The following TIMM29 variants were observed in gnomAD, a reference collection of about 807,000 sequenced individuals.
TIMM29 encodes translocase of inner mitochondrial membrane 29, also known as mitochondrial import inner membrane translocase subunit Tim29.
Under a neutral mutation model 19.5 loss-of-function variants are expected in TIMM29, and 23 were observed. That is an observed-to-expected ratio of 1.18 (90% CI 0.85 to 1.67). TIMM29 has a LOEUF of 1.67. TIMM29 is among the 40% of genes most tolerant of loss of function. TIMM29 has a pLI of 0.00. For missense variants in TIMM29, 404 were observed against 384.7 expected, an observed-to-expected ratio of 1.05 and a Z score of -0.42; for synonymous variants, 209 against 185.0, an observed-to-expected ratio of 1.13 and a Z score of -1.05.
chr19:10,929,770 C>A lies in TIMM29; in HGVS notation c.*68C>A. 1 of 1,425,978 alleles carries A rather than the reference C, an allele frequency of 7.0e-7. No individual in the cohort carries two copies. The highest frequency in any genetic ancestry group is 2.3e-5 in the Admixed American group (1 of 43,064). 88.3% of individuals were successfully genotyped at this position (1,425,978 alleles called of 1,614,324 possible). A position where few individuals can be genotyped will look rare whatever the true frequency, so the allele number is the denominator to read the frequency against. ...TGGTGCAGTTCTGAGTGTGCCTCACCTGCAGAACAGCTGAGACAGATGATG... is the reference window on the plus strand; with the variant it reads ...TGGTGCAGTTCTGAGTGTGCCTCACATGCAGAACAGCTGAGACAGATGATG... On this transcript the variant is annotated 3_prime_UTR_variant, in exon 2 of 2. Transcript: ENST00000270502.
At position 10,929,542 on chromosome 19, in the gene TIMM29, C is replaced by A; in HGVS notation, c.623C>A (p.Thr208Asn). Residue 208 changes from threonine to asparagine, a missense_variant, in exon 2 of 2, where the codon ACC becomes AAC. By Grantham distance (65) the Thr-to-Asn change is moderately conservative. Coordinates refer to ENST00000270502, the MANE Select transcript of TIMM29 (RefSeq NM_138358.4). ...VVGPQQLHSE[T>N]NERLFDEKYK... ...GGGCCCCAGCAGCTGCATTCCGAGA[C>A]CAACGAGCGGCTCTTCGATGAGAAG... The A allele has an allele frequency of 6.2e-7, 1 of 1,613,050 alleles. No homozygotes were observed. Among genetic ancestry groups the A allele is most frequent in the Non-Finnish European group, 8.5e-7 (1 of 1,180,034 alleles).
chr19:10,929,134 C>T lies in TIMM29; in HGVS notation c.215C>T (p.Ala72Val), dbSNP rs751586374. 1.5e-5 allele frequency: 22 copies of T among 1,454,828 alleles called. 2 individuals carry two copies. In the South Asian group the frequency reaches 3.1e-4, roughly 20 times the overall value. The allele number at this position is 1,454,828 out of a possible 1,614,324, so 90.1% of individuals were successfully genotyped here. A position where few individuals can be genotyped will look rare whatever the true frequency, so the allele number is the denominator to read the frequency against. Residue 72 changes from alanine (A) to valine (V), a missense_variant, in exon 2 of 2, where the codon GCC becomes GTC. By Grantham distance (64) the Ala-to-Val change is moderately conservative. Transcript: ENST00000270502. ...VYVGLLGGAA[A>V]CFTLAPSEGA... ...GTGGGTCTGCTGGGCGGCGCGGCGGCCTGCTTCACGCTGGCGCCCAGCGAG... is the reference window on the plus strand; with the variant it reads ...GTGGGTCTGCTGGGCGGCGCGGCGGTCTGCTTCACGCTGGCGCCCAGCGAG...
rs1260805319 is a variant in TIMM29, at chr19:10,928,820, A to G, written c.-3A>G. On this transcript the variant is annotated 5_prime_UTR_variant, in exon 1 of 2. Coordinates refer to ENST00000270502, the MANE Select transcript of TIMM29 (RefSeq NM_138358.4). ...GGAGCAAGGACCCCCAAGACGGAAG[A>G]GGATGGCCGCGGCGGCTCTGAGGAG... 6.5e-7 allele frequency: 1 copy of G among 1,529,150 alleles called. No individual in the cohort carries two copies. 94.7% of individuals were successfully genotyped at this position (1,529,150 alleles called of 1,614,324 possible).
In TIMM29 at chr19:10,929,248, T is replaced by C. The variant is rs1456951936; in HGVS notation, c.329T>C (p.Val110Ala). ...CGCAACCGCGAGTCCGAAGCCTTCG[T>C]GCAGAGGCTGCTCTGGCTGCGGGGC... ...ATRNRESEAF[V>A]QRLLWLRGRG... Residue 110 changes from valine (V) to alanine (A), a missense_variant, in exon 2 of 2, where the codon GTG becomes GCG. Transcript: ENST00000270502. 1 of 1,531,082 alleles carries C rather than the reference T, an allele frequency of 6.5e-7. No individual in the cohort carries two copies. Among genetic ancestry groups the C allele is most frequent in the Admixed American group, 2.0e-5 (1 of 50,146 alleles). 94.8% of individuals were successfully genotyped at this position (1,531,082 alleles called of 1,614,324 possible).
chr19:10,929,109 G>A lies in TIMM29; in HGVS notation c.190G>A (p.Val64Met), dbSNP rs2083471164. 7 of 1,469,292 alleles carry A rather than the reference G, an allele frequency of 4.8e-6. No homozygotes were observed. Among genetic ancestry groups the A allele is most frequent in the Non-Finnish European group, 6.2e-6 (7 of 1,122,868 alleles). 91.0% of individuals were successfully genotyped at this position (1,469,292 alleles called of 1,614,324 possible). ...CCGGCCGGGGCGCGCCGCTGTGTAT[G>A]TGGGTCTGCTGGGCGGCGCGGCGGC... is the stretch of plus-strand genomic sequence containing the variant. Reference protein sequence around the residue: ...RARPGRAAVYVGLLGGAAACF... With the variant: ...RARPGRAAVYMGLLGGAAACF... Residue 64 changes from valine (V) to methionine (M), a missense_variant, in exon 2 of 2, where the codon GTG (valine) becomes ATG (methionine). Physicochemically the swap from Val to Met is conservative, Grantham distance 21. Transcript: ENST00000270502.
chr19:10,928,811 A>G lies in TIMM29; in HGVS notation c.-12A>G, dbSNP rs2083466784. The G allele has an allele frequency of 4.6e-6, 7 of 1,528,520 alleles. No homozygotes were observed. The highest frequency in any genetic ancestry group is 5.3e-6 in the Non-Finnish European group (6 of 1,140,252). 94.7% of individuals were successfully genotyped at this position (1,528,520 alleles called of 1,614,324 possible). On this transcript the variant is annotated 5_prime_UTR_variant, in exon 1 of 2. Coordinates refer to ENST00000270502, the MANE Select transcript of TIMM29 (RefSeq NM_138358.4). ...TTTCTTCCCGGAGCAAGGACCCCCA[A>G]GACGGAAGAGGATGGCCGCGGCGGC... is the stretch of plus-strand genomic sequence containing the variant.
In TIMM29 at chr19:10,929,522, C is replaced by G. The variant is rs1471869978; in HGVS notation, c.603C>G (p.Pro201=). ...HLPAHLRVVG[P]QQLHSETNER... ...CGGCGCATTTGCGGGTGGTCGGGCC[C>G]CAGCAGCTGCATTCCGAGACCAACG... Residue 201 remains proline (P), a synonymous_variant, in exon 2 of 2, where the codon CCC becomes CCG. Transcript: ENST00000270502. The G allele has an allele frequency of 6.2e-7, 1 of 1,613,070 alleles. No individual in the cohort carries two copies. The highest frequency in any genetic ancestry group is 8.5e-7 in the Non-Finnish European group (1 of 1,180,026).
chr19:10,929,428 G>T lies in TIMM29; in HGVS notation c.509G>T (p.Gly170Val). ...CGGGTCCTGGACGTGGGCTTCGTGG[G>T]TCGCTGGTGGGTGCTGGGGGCCTGG... ...PGRVLDVGFV[G>V]RWWVLGAWMR... is the part of the protein sequence containing the mutation. The change falls in exon 2 of 2, where the codon GGT becomes GTT. Residue 170 changes from glycine (G) to valine (V), a missense_variant. Coordinates refer to ENST00000270502, the MANE Select transcript of TIMM29 (RefSeq NM_138358.4). The T allele has an allele frequency of 6.2e-7, 1 of 1,612,008 alleles. No homozygotes were observed. The highest frequency in any genetic ancestry group is 1.3e-5 in the African/African-American group (1 of 75,064).
chr19:10,929,842 C>T lies in TIMM29; in HGVS notation c.*140C>T. 1.1e-6 allele frequency: 1 copy of T among 950,860 alleles called. No homozygotes were observed. The highest frequency in any genetic ancestry group is 1.5e-6 in the Non-Finnish European group (1 of 657,088). 58.9% of individuals were successfully genotyped at this position (950,860 alleles called of 1,614,324 possible). ...ATTTGCACAAGTTTGGGGAGCCTTTCTGCCCCCCGTCTTTGTTCTTTATTA... is the reference window on the plus strand; with the variant it reads ...ATTTGCACAAGTTTGGGGAGCCTTTTTGCCCCCCGTCTTTGTTCTTTATTA... On this transcript the variant is annotated 3_prime_UTR_variant, in exon 2 of 2. Transcript: ENST00000270502.
At position 10,929,397 on chromosome 19, in the gene TIMM29, C is replaced by T. The variant is rs917160991; in HGVS notation, c.478C>T (p.Pro160Ser). ...RYLQPRWTDFPGRVLDVGFVG... is the reference protein window; with the variant it reads ...RYLQPRWTDFSGRVLDVGFVG... ...CCTGCAGCCCCGCTGGACCGACTTC[C>T]CCGGCCGGGTCCTGGACGTGGGCTT... Residue 160 changes from proline to serine, a missense_variant, in exon 2 of 2, where the codon CCC (proline) becomes TCC (serine). Transcript: ENST00000270502. 3 of 1,608,386 alleles carry T rather than the reference C, an allele frequency of 1.9e-6. No individual in the cohort carries two copies. Among genetic ancestry groups the T allele is most frequent in the African/African-American group, 2.7e-5 (2 of 75,018 alleles).
rs1335521009 is a variant in TIMM29 at position 10,929,657 on chromosome 19, C to T, written c.738C>T (p.Ala246=). ...AGAAGGAGAAGAAGGACAGGCTCGC[C>T]CTGAGCCAGGCCCACTCGCTGGTGC... The part of the protein sequence containing the change: ...VLQKEKKDRL[A]LSQAHSLVQA... The change falls in exon 2 of 2, where the codon GCC becomes GCT. Residue 246 remains alanine, a synonymous_variant. Coordinates refer to ENST00000270502, the MANE Select transcript of TIMM29 (RefSeq NM_138358.4). 4 of 1,612,570 alleles carry T rather than the reference C, an allele frequency of 2.5e-6. No homozygotes were observed. Among genetic ancestry groups the T allele is most frequent in the Non-Finnish European group, 3.4e-6 (4 of 1,179,830 alleles).
In TIMM29 at chr19:10,929,447, G is replaced by C; in HGVS notation, c.528G>C (p.Gly176=). The stretch of plus-strand genomic sequence containing the variant: ...TCGTGGGTCGCTGGTGGGTGCTGGG[G>C]GCCTGGATGCGCGACTGCGACATCA... ...VGFVGRWWVL[G]AWMRDCDIND... Residue 176 remains glycine, a synonymous_variant, in exon 2 of 2, where the codon GGG becomes GGC. Transcript: ENST00000270502. The C allele has an allele frequency of 6.2e-7, 1 of 1,612,770 alleles. No individual in the cohort carries two copies. The highest frequency in any genetic ancestry group is 8.5e-7 in the Non-Finnish European group (1 of 1,179,972).
At position 10,929,400 on chromosome 19, in the gene TIMM29, G is replaced by C. The variant is rs766723667; in HGVS notation, c.481G>C (p.Gly161Arg). Residue 161 changes from glycine (G) to arginine (R), a missense_variant, in exon 2 of 2, where the codon GGC becomes CGC. Coordinates refer to ENST00000270502, the MANE Select transcript of TIMM29 (RefSeq NM_138358.4). The part of the protein sequence containing the change: ...YLQPRWTDFP[G>R]RVLDVGFVGR... Reference sequence around the variant, plus strand: ...GCAGCCCCGCTGGACCGACTTCCCCGGCCGGGTCCTGGACGTGGGCTTCGT... The same window carrying C: ...GCAGCCCCGCTGGACCGACTTCCCCCGCCGGGTCCTGGACGTGGGCTTCGT... 2.5e-6 allele frequency: 4 copies of C among 1,608,786 alleles called. No homozygotes were observed. Among genetic ancestry groups the C allele is most frequent in the Non-Finnish European group, 3.4e-6 (4 of 1,178,630 alleles).
chr19:10,929,289 T>C lies in TIMM29; in HGVS notation c.370T>C (p.Tyr124His), dbSNP rs1285128162. 2 of 1,542,526 alleles carry C rather than the reference T, an allele frequency of 1.3e-6. No individual in the cohort carries two copies. The change falls in exon 2 of 2, where the codon TAC (tyrosine) becomes CAC (histidine). Residue 124 changes from tyrosine to histidine, a missense_variant. Transcript: ENST00000270502. ...LWLRGRGRLR[Y>H]VNLGLCSLVY... ...GCTGCGGGGCCGTGGCCGCCTGCGCTACGTCAACCTGGGGCTCTGCTCGCT... is the reference window on the plus strand; with the variant it reads ...GCTGCGGGGCCGTGGCCGCCTGCGCCACGTCAACCTGGGGCTCTGCTCGCT...
rs758834737 is a variant in TIMM29, at chr19:10,929,118, C to T, written c.199C>T (p.Leu67=). Residue 67 remains leucine (L), a synonymous_variant, in exon 2 of 2, where the codon CTG becomes TTG. Transcript: ENST00000270502. ...PGRAAVYVGL[L]GGAAACFTLA... is the part of the protein sequence containing the mutation. Reference sequence around the variant, plus strand: ...GCGCGCCGCTGTGTATGTGGGTCTGCTGGGCGGCGCGGCGGCCTGCTTCAC... The same window carrying T: ...GCGCGCCGCTGTGTATGTGGGTCTGTTGGGCGGCGCGGCGGCCTGCTTCAC... The T allele has an allele frequency of 4.1e-6, 6 of 1,459,390 alleles. No homozygotes were observed. In the South Asian group the frequency reaches 4.2e-5, roughly 10 times the overall value. The allele number at this position is 1,459,390 out of a possible 1,614,324, so 90.4% of individuals were successfully genotyped here.
Position 10,928,815 on chromosome 19 carries a change from G to A in TIMM29, c.-8G>A. 1 of 1,528,924 alleles carries A rather than the reference G, an allele frequency of 6.5e-7. No individual in the cohort carries two copies. Among genetic ancestry groups the A allele is most frequent in the Non-Finnish European group, 8.8e-7 (1 of 1,140,678 alleles). 94.7% of individuals were successfully genotyped at this position (1,528,924 alleles called of 1,614,324 possible). Reference sequence around the variant, plus strand: ...TTCCCGGAGCAAGGACCCCCAAGACGGAAGAGGATGGCCGCGGCGGCTCTG... The same window carrying A: ...TTCCCGGAGCAAGGACCCCCAAGACAGAAGAGGATGGCCGCGGCGGCTCTG... On this transcript the variant is annotated 5_prime_UTR_variant, in exon 1 of 2. Transcript: ENST00000270502.
rs1802864551 is a variant in TIMM29, at chr19:10,929,294, C to T, written c.375C>T (p.Val125=). 1 of 1,543,990 alleles carries T rather than the reference C, an allele frequency of 6.5e-7. No homozygotes were observed. Among genetic ancestry groups the T allele is most frequent in the Non-Finnish European group, 8.7e-7 (1 of 1,149,034 alleles). Residue 125 remains valine, a synonymous_variant, in exon 2 of 2, where the codon GTC becomes GTT. Coordinates refer to ENST00000270502, the MANE Select transcript of TIMM29 (RefSeq NM_138358.4). ...WLRGRGRLRY[V]NLGLCSLVYE... ...GGGGCCGTGGCCGCCTGCGCTACGTCAACCTGGGGCTCTGCTCGCTGGTGT... is the reference window on the plus strand; with the variant it reads ...GGGGCCGTGGCCGCCTGCGCTACGTTAACCTGGGGCTCTGCTCGCTGGTGT...
rs778229057 is a variant in TIMM29 at position 10,928,838 on chromosome 19, C to G, written c.16C>G (p.Leu6Val). The change falls in exon 1 of 2, where the codon CTG (leucine) becomes GTG (valine). Residue 6 changes from leucine (L) to valine (V), a missense_variant. Transcript: ENST00000270502. ...ACGGAAGAGGATGGCCGCGGCGGCT[C>G]TGAGGAGATTTTGGTCCCGGCGCCG... The part of the protein sequence containing the change: MAAAA[L>V]RRFWSRRRAE... The G allele has an allele frequency of 6.6e-7, 1 of 1,526,510 alleles. No individual in the cohort carries two copies. The allele number at this position is 1,526,510 out of a possible 1,614,324, so 94.6% of individuals were successfully genotyped here.
Position 10,929,079 on chromosome 19 carries a change from A to C in TIMM29, c.160A>C (p.Arg54=). ...EACRDASAEA[R]ARPGRAAVYV... Reference sequence around the variant, plus strand: ...CTGCAGGGACGCTTCGGCGGAGGCTAGGGCCCGGCCGGGGCGCGCCGCTGT... The same window carrying C: ...CTGCAGGGACGCTTCGGCGGAGGCTCGGGCCCGGCCGGGGCGCGCCGCTGT... The change falls in exon 2 of 2, where the codon AGG becomes CGG. Residue 54 remains arginine, a synonymous_variant. Coordinates refer to ENST00000270502, the MANE Select transcript of TIMM29 (RefSeq NM_138358.4). 1 of 1,461,994 alleles carries C rather than the reference A, an allele frequency of 6.8e-7. No homozygotes were observed. The highest frequency in any genetic ancestry group is 1.5e-5 in the African/African-American group (1 of 67,238). The allele number at this position is 1,461,994 out of a possible 1,614,324, so 90.6% of individuals were successfully genotyped here. A position where few individuals can be genotyped will look rare whatever the true frequency, so the allele number is the denominator to read the frequency against.
Sources: allele counts gnomAD v4.1 joint callset, GRCh38; gene constraint gnomAD v4.1.1; transcripts MANE v1.5; gene names NCBI Gene and HGNC (gene_info 2026-07-23, HGNC 2026-07-21).